The following NPY2R variants were observed in gnomAD, a reference collection of about 807,000 sequenced individuals.
The protein encoded by NPY2R is neuropeptide Y receptor Y2, also known as neuropeptide Y receptor type 2.
In NPY2R, 17 loss-of-function variants were observed where a neutral mutation model predicts 22.3. The ratio of observed to expected loss-of-function variants is 0.76; its 90% confidence interval spans 0.52 to 1.14. The LOEUF is 1.14. NPY2R is among the 50% of genes most tolerant of loss of function. The probability of loss-of-function intolerance (pLI) is 0.00; values close to 1 mark genes in which losing one functional copy is unlikely to be tolerated. For missense variants in NPY2R, 424 were observed against 467.9 expected (o/e 0.91, Z 0.87); for synonymous variants, 209 against 183.4 (o/e 1.14, Z -1.13).
At chr4:155,174,179 T>C in the NPY2R span, 1 of 151,910 alleles carries the variant, frequency 6.6e-6, no homozygotes, top group African/African-American at 2.4e-5. Flanking sequence ...GATTATAACA[T>C]GGAAATAGTG....
chr4:155,214,506 T>A lies in NPY2R; in HGVS notation c.567T>A (p.Tyr189Ter), dbSNP rs1729470836. ...GTCCCCTGGCCATCTTCCGGGAGTA[T>A]TCGCTGATTGAGATCATCCCGGACT... Reference protein sequence around the residue: ...LASPLAIFREYSLIEIIPDFE... With the variant: ...LASPLAIFRE The change falls in exon 2 of 2, where the codon TAT (tyrosine) becomes TAA (stop). Residue 189 changes from tyrosine to a stop codon, truncating the protein, a stop_gained. Transcript: ENST00000329476. LOFTEE classifies it high-confidence loss of function. The A allele has an allele frequency of 6.2e-7, 1 of 1,614,072 alleles. No homozygotes were observed. Among genetic ancestry groups the A allele is most frequent in the African/African-American group, 1.3e-5 (1 of 74,926 alleles).
chr4:155,182,331 T>G, the NPY2R span, among the ~76,000 whole-genome samples: 1 of 152,188 alleles, frequency 6.6e-6, no homozygotes, highest in Non-Finnish European at 1.5e-5. Flanking sequence ...CAAATTGCAC[T>G]AACTACCCCT....
the NPY2R span, among the ~76,000 whole-genome samples, chr4:155,188,265 C>A: frequency 6.6e-6 from 1 of 152,070 alleles, no homozygotes; most frequent in Admixed American, 6.6e-5. Flanking sequence ...CCTCATTCCC[C>A]ATACAAAAGA....
In NPY2R at chr4:155,214,691, G is replaced by T; in HGVS notation, c.752G>T (p.Ser251Ile). The T allele has an allele frequency of 6.2e-7, 1 of 1,614,210 alleles. No homozygotes were observed. The highest frequency in any genetic ancestry group is 8.5e-7 in the Non-Finnish European group (1 of 1,180,046). ...TGGAGTAAATTGAAGAACCATGTCA[G>T]TCCTGGAGCTGCAAATGACCACTAC... Reference protein sequence around the residue: ...RIWSKLKNHVSPGAANDHYHQ... With the variant: ...RIWSKLKNHVIPGAANDHYHQ... The change falls in exon 2 of 2, where the codon AGT (serine) becomes ATT (isoleucine). Residue 251 changes from serine to isoleucine, a missense_variant. Physicochemically the swap from Ser to Ile is moderately radical, Grantham distance 142. Transcript: ENST00000329476.
chr4:155,201,622 C>T, the NPY2R span, among the ~76,000 whole-genome samples: 1 of 152,038 alleles, frequency 6.6e-6, no homozygotes, highest in African/African-American at 2.4e-5. Flanking sequence ...TGATCACATG[C>T]CCTTTTAATG....
At chr4:155,190,550 T>G in the NPY2R span, among the ~76,000 whole-genome samples, 1 of 151,974 alleles carries the variant, frequency 6.6e-6, no homozygotes. Context: ...GTGTTTATTA[T>G]ATATTCTTGT....
chr4:155,205,810 T>TATCTATCC (rs1341510525), upstream of NPY2R, among the ~76,000 whole-genome samples: 1 of 140,966 alleles, frequency 7.1e-6, no homozygotes, highest in Non-Finnish European at 1.5e-5. Context: ...GGCTGCTATC[T>TATCTATCC]ATCTATCTAT....
chr4:155,197,803 T>G, the NPY2R span, among the ~76,000 whole-genome samples: 1 of 151,972 alleles, frequency 6.6e-6, no homozygotes, highest in East Asian at 1.9e-4. Context: ...AAGAAGCACC[T>G]AAGACTACAT....
upstream of NPY2R, among the ~76,000 whole-genome samples, chr4:155,203,947 A>G (rs1374455387): frequency 2.0e-5 from 3 of 152,168 alleles, no homozygotes; most frequent in Non-Finnish European, 4.4e-5. Flanking sequence ...CTTTTCTTAC[A>G]TTACTGGAGT....
chr4:155,212,916 G>A (rs1372417477), intron 1 of NPY2R, among the ~76,000 whole-genome samples: 3 of 152,106 alleles, frequency 2.0e-5, no homozygotes, highest in Non-Finnish European at 4.4e-5. Flanking sequence ...TAAAGAAAAC[G>A]TGGTATGTAA....
the NPY2R span, among the ~76,000 whole-genome samples, chr4:155,189,451 T>C: frequency 6.6e-6 from 1 of 151,994 alleles, no homozygotes; most frequent in Non-Finnish European, 1.5e-5. Flanking sequence ...AAATAAAATG[T>C]TAAATCTTCT....
intron 1 of NPY2R, among the ~76,000 whole-genome samples, chr4:155,209,603 C>G (rs1224501937): frequency 6.6e-6 from 1 of 152,178 alleles, no homozygotes; most frequent in Non-Finnish European, 1.5e-5. Context: ...TTCCCACACC[C>G]TTTGGTGAAT....
the NPY2R span, among the ~76,000 whole-genome samples, chr4:155,201,888 A>T: frequency 6.6e-6 from 1 of 152,282 alleles, no homozygotes; most frequent in East Asian, 1.9e-4. Flanking sequence ...TTAACACATC[A>T]GTCTTATCCA....
At chr4:155,197,214 A>G in the NPY2R span, among the ~76,000 whole-genome samples, 1 of 151,974 alleles carries the variant, frequency 6.6e-6, no homozygotes, top group Non-Finnish European at 1.5e-5. Context: ...TAAAATAAAT[A>G]CTTTTTTTGT....
the NPY2R span, among the ~76,000 whole-genome samples, chr4:155,193,781 A>G: frequency 6.6e-6 from 1 of 151,944 alleles, no homozygotes; most frequent in Non-Finnish European, 1.5e-5. Flanking sequence ...TATGAGAAAC[A>G]TTTATTGACA....
At chr4:155,211,814 C>G (rs758840942) in intron 1 of NPY2R, among the ~76,000 whole-genome samples, 3 of 152,138 alleles carry the variant, frequency 2.0e-5, no homozygotes, top group Non-Finnish European at 4.4e-5. Context: ...ACCAAGGCCC[C>G]CGGAACAGGG....
At chr4:155,176,607 G>C in the NPY2R span, among the ~76,000 whole-genome samples, 3 of 152,132 alleles carry the variant, frequency 2.0e-5, no homozygotes, top group African/African-American at 7.2e-5. Flanking sequence ...CACAACTTCA[G>C]CTTTGTGTCC....
chr4:155,210,482 C>T (rs575801787), intron 1 of NPY2R, among the ~76,000 whole-genome samples: 1 of 152,306 alleles, frequency 6.6e-6, no homozygotes, highest in East Asian at 1.9e-4. Flanking sequence ...AAACTCCAGC[C>T]TCTTGGAGTC....
the NPY2R span, among the ~76,000 whole-genome samples, chr4:155,181,163 C>T: frequency 4.6e-5 from 7 of 151,918 alleles, no homozygotes; most frequent in Admixed American, 6.6e-5. Flanking sequence ...CACAATTACC[C>T]GGTAGTGCAT....
Sources: gnomAD v4.1 joint callset for allele counts (sites outside exome capture counted in the v4.1 genomes callset) on GRCh38, gnomAD v4.1.1 for gene constraint, MANE v1.5 for transcripts, NCBI Gene and HGNC (gene_info 2026-07-23, HGNC 2026-07-21) for gene names.